The following ARHGAP8 variants were observed in gnomAD, a reference collection of about 807,000 sequenced individuals.
ARHGAP8 encodes rho GTPase-activating protein 8.
ARHGAP8 carries 62 observed loss-of-function variants against 46.1 expected under a neutral mutation model. The observed-to-expected ratio is 1.34, with a 90% CI of 1.10 to 1.66. The LOEUF (loss-of-function observed/expected upper bound fraction) is 1.66. ARHGAP8 is among the 40% of genes most tolerant of loss of function. ARHGAP8 has a pLI of 0.00. For missense variants in ARHGAP8, 923 were observed against 568.4 expected (o/e 1.62, Z -6.34); for synonymous variants, 375 against 243.1 (o/e 1.54, Z -5.05).
chr22:44,810,191 G>A (rs560823328), intron 4 of ARHGAP8, among the ~76,000 whole-genome samples: 4 of 149,824 alleles, frequency 2.7e-5, no homozygotes, highest in South Asian at 2.1e-4. Flanking sequence ...TCCCGGACCT[G>A]TCTCTGCATC....
At chr22:44,861,100 T>G (rs905877718) in intron 11 of ARHGAP8, among the ~76,000 whole-genome samples, 1 of 152,184 alleles carries the variant, frequency 6.6e-6, no homozygotes, top group Non-Finnish European at 1.5e-5. Context: ...GCCTCCCACG[T>G]AGCTGGGATT....
intron 1 of ARHGAP8, among the ~76,000 whole-genome samples, chr22:44,770,328 C>T (rs895222639): frequency 1.3e-5 from 2 of 150,246 alleles, no homozygotes; most frequent in African/African-American, 2.5e-5. Flanking sequence ...GGCTACAGGA[C>T]CAGAGTCAGG....
intron 1 of ARHGAP8, among the ~76,000 whole-genome samples, chr22:44,767,927 C>T (rs971588982): frequency 6.8e-6 from 1 of 146,956 alleles, no homozygotes; most frequent in African/African-American, 2.5e-5. Flanking sequence ...GCAACCAGGC[C>T]AATTGTCCTG....
intron 11 of ARHGAP8, among the ~76,000 whole-genome samples, chr22:44,860,989 A>C (rs1020161119): frequency 7.9e-6 from 1 of 126,526 alleles, no homozygotes; most frequent in Non-Finnish European, 1.8e-5. Flanking sequence ...GAGGCCCAAA[A>C]CTAAACTCTC....
At chr22:44,790,405 A>G (rs546607740) in intron 2 of ARHGAP8, among the ~76,000 whole-genome samples, 14 of 151,960 alleles carry the variant, frequency 9.2e-5, no homozygotes, top group Non-Finnish European at 1.9e-4. Context: ...CCTACAGGCC[A>G]TGGTTCATGC....
chr22:44,827,119 G>C (rs1221994793), intron 7 of ARHGAP8, among the ~76,000 whole-genome samples: 2 of 152,114 alleles, frequency 1.3e-5, no homozygotes, highest in Non-Finnish European at 2.9e-5. Context: ...TTACAAGAGG[G>C]AGGTAGGAGG....
intron 1 of ARHGAP8, among the ~76,000 whole-genome samples, chr22:44,767,967 T>A (rs1845230451): frequency 7.0e-6 from 1 of 142,588 alleles, no homozygotes; most frequent in Non-Finnish European, 1.5e-5. Context: ...TTGTCAGATT[T>A]CCTCCCCGCA....
intron 7 of ARHGAP8, among the ~76,000 whole-genome samples, chr22:44,841,600 A>G (rs762960951): frequency 1.3e-5 from 2 of 152,204 alleles, no homozygotes; most frequent in African/African-American, 4.8e-5. Context: ...ATTATGCTGC[A>G]TAACAGTCTC....
At chr22:44,852,527 C>T (rs969629389) in intron 10 of ARHGAP8, among the ~76,000 whole-genome samples, 5 of 152,254 alleles carry the variant, frequency 3.3e-5, no homozygotes, top group Middle Eastern at 3.4e-3. Context: ...TTCCGGACCC[C>T]AGCATTCCCC....
At chr22:44,756,585 C>T (rs1330890050) in intron 1 of ARHGAP8, among the ~76,000 whole-genome samples, 1 of 130,704 alleles carries the variant, frequency 7.7e-6, no homozygotes, top group Non-Finnish European at 1.6e-5. Flanking sequence ...CACCCCGCCC[C>T]CCCACCCCAT....
At chr22:44,820,914 G>A (rs1239419978) in intron 5 of ARHGAP8, among the ~76,000 whole-genome samples, 1 of 152,150 alleles carries the variant, frequency 6.6e-6, no homozygotes, top group East Asian at 1.9e-4. Context: ...CTGGGCGGCC[G>A]CTGTCCCTTT....
At chr22:44,858,093 GAAC>G (rs1245039242) in intron 10 of ARHGAP8, among the ~76,000 whole-genome samples, 1 of 152,198 alleles carries the variant, frequency 6.6e-6, no homozygotes, top group Non-Finnish European at 1.5e-5. Context: ...TCAAATGACT[GAAC>G]AACAGCTTGA....
rs758057449 is a variant in ARHGAP8 at position 44,862,455 on chromosome 22, G to T, written c.1162G>T (p.Gly388Trp). 26 of 1,613,842 alleles carry T rather than the reference G, an allele frequency of 1.6e-5. No individual in the cohort carries two copies. The highest frequency in any genetic ancestry group is 2.2e-5 in the Non-Finnish European group (26 of 1,179,930). Residue 388 changes from glycine (G) to tryptophan (W), a missense_variant, in exon 12 of 12, where the codon GGG becomes TGG. Gly to Trp is a radical substitution (Grantham distance 184). Transcript: ENST00000356099. ...EKIFSTPEAP[G>W]EHGLAPWEQG... ...GATCTTCAGCACCCCGGAGGCACCT[G>T]GGGAGCACGGCCTGGCACCATGGGA...
At chr22:44,848,705 C>T (rs1376011740) in intron 9 of ARHGAP8, among the ~76,000 whole-genome samples, 2 of 152,180 alleles carry the variant, frequency 1.3e-5, no homozygotes, top group African/African-American at 2.4e-5. Flanking sequence ...CAGCCCACCC[C>T]AGTCCCCACT....
chr22:44,808,304 C>T lies in ARHGAP8; in HGVS notation c.168-3C>T. 2 of 1,611,594 alleles carry T rather than the reference C, an allele frequency of 1.2e-6. No homozygotes were observed. The highest frequency in any genetic ancestry group is 1.7e-6 in the Non-Finnish European group (2 of 1,178,436). ...ATAACTGAATCTTCTGTGTTGTGCC[C>T]AGGTATTTGAAGTACACACTGGACC... On this transcript the variant is annotated splice_polypyrimidine_tract_variant and splice_region_variant and intron_variant, in intron 3 of 11. Coordinates refer to ENST00000356099, the MANE Select transcript of ARHGAP8 (RefSeq NM_181335.3).
rs2349855 is a variant in ARHGAP8, at chr22:44,859,847, G to T, written c.981+13G>T. ...CTTCCTGCATGCGGTGAGTGGGGAA[G>T]GGGGGAGCTTGGGGTGAAGCCCAGT... On this transcript the variant is annotated intron_variant, in intron 11 of 11. Transcript: ENST00000356099. The T allele has an allele frequency of 5.6e-6, 9 of 1,611,406 alleles. No individual in the cohort carries two copies. The highest frequency in any genetic ancestry group is 1.3e-5 in the African/African-American group (1 of 74,848).
intron 1 of ARHGAP8, among the ~76,000 whole-genome samples, chr22:44,783,195 C>T (rs1030913297): frequency 1.3e-5 from 2 of 152,082 alleles, no homozygotes; most frequent in African/African-American, 4.8e-5. Flanking sequence ...CCAAGTCCTC[C>T]CCACGTTCAA....
chr22:44,810,382 C>T (rs1929249771), intron 4 of ARHGAP8, among the ~76,000 whole-genome samples: 1 of 152,100 alleles, frequency 6.6e-6, no homozygotes, highest in Non-Finnish European at 1.5e-5. Context: ...CCTGGGACTA[C>T]AGGCGTGAGC....
At chr22:44,852,313 C>G (rs1329496679) in intron 10 of ARHGAP8, among the ~76,000 whole-genome samples, 4 of 151,418 alleles carry the variant, frequency 2.6e-5, no homozygotes, top group African/African-American at 7.3e-5. Flanking sequence ...CATGGAGCTT[C>G]AATTCCTTTT....
Sources: gnomAD v4.1 joint callset for allele counts (sites outside exome capture counted in the v4.1 genomes callset) on GRCh38, gnomAD v4.1.1 for gene constraint, MANE v1.5 for transcripts, NCBI Gene and HGNC (gene_info 2026-07-23, HGNC 2026-07-21) for gene names.